TMX4: variants seen among roughly 807,000 people sequenced by gnomAD.
TMX4 encodes the protein thioredoxin-related transmembrane protein 4.
In TMX4, 23 loss-of-function variants were observed where a neutral mutation model predicts 33.3. The ratio of observed to expected loss-of-function variants is 0.69; its 90% CI spans 0.50 to 0.98. The LOEUF (loss-of-function observed/expected upper bound fraction) is 0.98. Ranked by LOEUF, TMX4 falls within the 50% of genes least tolerant of loss-of-function variation. TMX4 has a pLI of 0.00. For missense variants in TMX4, 399 were observed against 448.9 expected (o/e 0.89, Z 1.01); for synonymous variants, 164 against 161.5 (o/e 1.02, Z -0.12).
intron 2 of TMX4, among the ~76,000 whole-genome samples, chr20:8,008,950 T>A (rs780158384): frequency 5.3e-5 from 8 of 152,188 alleles, no homozygotes; most frequent in Non-Finnish European, 8.8e-5. Context: ...AATTTTAACA[T>A]GTACCATCTA....
chr20:8,002,981 G>A (rs2050713654), intron 2 of TMX4, among the ~76,000 whole-genome samples: 1 of 152,096 alleles, frequency 6.6e-6, no homozygotes, highest in East Asian at 1.9e-4. Flanking sequence ...ATAAACACGA[G>A]TGACCCAAAA....
intron 5 of TMX4, among the ~76,000 whole-genome samples, chr20:7,991,029 T>A (rs2050652334): frequency 6.6e-6 from 1 of 152,220 alleles, no homozygotes; most frequent in African/African-American, 2.4e-5. Flanking sequence ...CACAGAAGAA[T>A]GTTTTCAAGT....
At chr20:8,004,279 T>A (rs532241459) in intron 2 of TMX4, among the ~76,000 whole-genome samples, 1 of 152,250 alleles carries the variant, frequency 6.6e-6, no homozygotes, top group South Asian at 2.1e-4. Context: ...CATGACCACT[T>A]GGAATACAGA....
intron 2 of TMX4, among the ~76,000 whole-genome samples, chr20:8,004,075 T>C (rs537841925): frequency 6.6e-6 from 1 of 151,686 alleles, no homozygotes; most frequent in East Asian, 1.9e-4. Flanking sequence ...CCTTGGATGA[T>C]GACACGCTAC....
intron 2 of TMX4, among the ~76,000 whole-genome samples, chr20:8,004,983 G>GA (rs1174044621): frequency 6.6e-6 from 1 of 151,636 alleles, no homozygotes; most frequent in Non-Finnish European, 1.5e-5. Flanking sequence ...AAAACACAAT[G>GA]AAAAAAAGGA....
intron 1 of TMX4, among the ~76,000 whole-genome samples, chr20:8,015,143 T>G (rs1350436058): frequency 6.6e-6 from 1 of 152,132 alleles, no homozygotes; most frequent in Non-Finnish European, 1.5e-5. Flanking sequence ...ATTGTGATGA[T>G]GAGGAAGTGG....
rs115824221 is a variant in TMX4, at chr20:8,017,810, A to T, written c.176+1628T>A. On this transcript the variant is annotated intron_variant, in intron 1 of 7. Transcript: ENST00000246024. ...GTCTTAACACAGCTCCACTTATTTT[A>T]AAAGTTTCTCAAATAGAATATGACC... 3.3e-3 allele frequency among the ~76,000 whole-genome samples: 434 copies of T among 129,790 alleles called. 2 individuals are homozygous for T. The highest frequency in any genetic ancestry group is 0.019 in the Middle Eastern group (5 of 270). The allele number at this position is 129,790 out of a possible 152,430, so 85.1% of individuals were successfully genotyped here.
At position 7,977,686 on chromosome 20, in the gene TMX4, T is replaced by C. The variant is rs900955641; in HGVS notation, c.*4565A>G. 6.6e-6 allele frequency: 1 copy of C among 152,238 alleles called. No individual in the cohort carries two copies. The highest frequency in any genetic ancestry group is 2.4e-5 in the African/African-American group (1 of 41,466). 9.4% of individuals were successfully genotyped at this position (152,238 alleles called of 1,614,324 possible). A position where few individuals can be genotyped will look rare whatever the true frequency, so the allele number is the denominator to read the frequency against. ...ATTAGGTTCATTAGGCTAAGACTAA[T>C]ACCAGTAATATAAACAACAAATTTA... On this transcript the variant is annotated 3_prime_UTR_variant, in exon 8 of 8. Transcript: ENST00000246024.
intron 4 of TMX4, 106 bp downstream of exon 4, chr20:7,999,626 T>C (rs1400675107): frequency 3.1e-6 from 4 of 1,278,820 alleles, no homozygotes; most frequent in African/African-American, 1.5e-5. Context: ...TCTGGGTAAT[T>C]GGAAGTAAAT....
chr20:7,990,904 G>C (rs1230056740), intron 5 of TMX4, among the ~76,000 whole-genome samples: 1 of 152,138 alleles, frequency 6.6e-6, no homozygotes, highest in African/African-American at 2.4e-5. Flanking sequence ...GCCTCTTGTA[G>C]GATCTATGAA....
intron 1 of TMX4, among the ~76,000 whole-genome samples, chr20:8,018,481 G>GGGAGAGA (rs2050791898): frequency 7.3e-5 from 1 of 13,710 alleles, no homozygotes; most frequent in Non-Finnish European, 1.2e-4. Context: ...GGAGGGAGGG[G>GGGAGAGA]GAGAGAGAGA....
chr20:7,977,761 T>C lies in TMX4; in HGVS notation c.*4490A>G, dbSNP rs913258624. On this transcript the variant is annotated 3_prime_UTR_variant, in exon 8 of 8. Coordinates refer to ENST00000246024, the MANE Select transcript of TMX4 (RefSeq NM_021156.4). ...AATGTTTTTAGTATAAAAATTGCATTTCCACAAAGAAGCTAATAACAAATA... is the reference window on the plus strand; with the variant it reads ...AATGTTTTTAGTATAAAAATTGCATCTCCACAAAGAAGCTAATAACAAATA... The C allele has an allele frequency of 3.3e-5, 5 of 152,252 alleles. No individual in the cohort carries two copies. Among genetic ancestry groups the C allele is most frequent in the Admixed American group, 3.3e-4 (5 of 15,282 alleles). The allele number at this position is 152,252 out of a possible 1,614,324, so 9.4% of individuals were successfully genotyped here.
intron 6 of TMX4, among the ~76,000 whole-genome samples, chr20:7,985,325 G>A (rs1293987203): frequency 6.7e-6 from 1 of 148,860 alleles, no homozygotes; most frequent in African/African-American, 2.5e-5. Flanking sequence ...CCAGGCTGGA[G>A]TACAGTGGCA....
chr20:8,009,820 G>A (rs1473958148), intron 2 of TMX4, among the ~76,000 whole-genome samples: 2 of 132,474 alleles, frequency 1.5e-5, no homozygotes, highest in African/African-American at 5.8e-5. Flanking sequence ...ACAACCAAAT[G>A]TAATTTATGA....
At chr20:8,014,875 C>A (rs2122884014) in intron 1 of TMX4, among the ~76,000 whole-genome samples, 1 of 152,286 alleles carries the variant, frequency 6.6e-6, no homozygotes, top group Middle Eastern at 3.4e-3. Flanking sequence ...TCAACCAGGC[C>A]CTGTGCCTTC....
intron 5 of TMX4, 54 bp downstream of exon 5, chr20:7,995,972 A>G: frequency 7.2e-7 from 1 of 1,392,608 alleles, no homozygotes; most frequent in Non-Finnish European, 1.0e-6. Context: ...TAAAAGCTGT[A>G]TTTTTATTCT....
chr20:8,010,002 T>C (rs543317550), intron 2 of TMX4, among the ~76,000 whole-genome samples, 198 bp downstream of exon 2: 37 of 151,560 alleles, frequency 2.4e-4, no homozygotes, highest in African/African-American at 8.7e-4. Context: ...AAAATAGAAA[T>C]ATATATGCAA....
At chr20:7,982,708 T>C in intron 7 of TMX4, 87 bp from the exon 8 acceptor site, 2 of 1,421,332 alleles carry the variant, frequency 1.4e-6, no homozygotes, top group South Asian at 1.4e-5. Flanking sequence ...GAAATAAAAA[T>C]AGAGGGTAAG....
chr20:7,989,278 GA>G (rs1233323768), intron 5 of TMX4, among the ~76,000 whole-genome samples: 1 of 152,014 alleles, frequency 6.6e-6, no homozygotes, highest in Non-Finnish European at 1.5e-5. Flanking sequence ...GTCAACCCAT[GA>G]ATGTATTTTA....
Sources: allele counts gnomAD v4.1 joint callset (sites outside exome capture counted in the v4.1 genomes callset), GRCh38; gene constraint gnomAD v4.1.1; transcripts MANE v1.5; gene names NCBI Gene and HGNC (gene_info 2026-07-23, HGNC 2026-07-21).